SOX6: variants seen among roughly 807,000 people sequenced by gnomAD.
The protein encoded by SOX6 is transcription factor SOX-6.
SOX6 carries 11 observed loss-of-function variants against 97.8 expected under a neutral mutation model. That is an observed-to-expected ratio of 0.11 (90% CI 0.07 to 0.19). The LOEUF (loss-of-function observed/expected upper bound fraction) is 0.19. SOX6 is among the 10% of genes least tolerant of loss of function. SOX6 has a pLI of 1.00. For missense variants in SOX6, 810 were observed against 1,039.5 expected (o/e 0.78, Z 3.04); for synonymous variants, 360 against 371.4 (o/e 0.97, Z 0.35).
chr11:16,409,741 A>G (rs1457463855), intron 1 of SOX6, among the ~76,000 whole-genome samples: 1 of 152,184 alleles, frequency 6.6e-6, no homozygotes, highest in Non-Finnish European at 1.5e-5. Context: ...CAATGGATAG[A>G]AGACAAAACC....
At chr11:16,662,911 T>A (rs1190004335) in intron 3 of SOX6, among the ~76,000 whole-genome samples, 1 of 152,080 alleles carries the variant, frequency 6.6e-6, no homozygotes, top group Non-Finnish European at 1.5e-5. Flanking sequence ...AGGCTGCTTG[T>A]GAATTCCTGT....
chr11:16,266,024 A>G (rs1362776518), intron 3 of SOX6, among the ~76,000 whole-genome samples: 1 of 151,854 alleles, frequency 6.6e-6, no homozygotes, highest in East Asian at 1.9e-4. Flanking sequence ...AAAAATATTG[A>G]AAATATAATG....
In SOX6 at chr11:16,667,695, A is replaced by G. The variant is rs142992587; in HGVS notation, n.429+47135T>C. ...AAAAAATGCTAAGGGGAGTTCTTCA[A>G]TCTGAAAGAAAAGGATGTTAAATGA... On this transcript the variant is annotated intron_variant and non_coding_transcript_variant, in intron 3 of 5. Transcript: ENST00000524520. Among the ~76,000 whole-genome samples the G allele has an allele frequency of 7.5e-4, 114 of 152,324 alleles. 1 individual carries two copies. The East Asian group carries it at 0.021, about 28-fold the overall frequency.
chr11:16,487,275 CTTT>C (rs944930861), intron 4 of SOX6, among the ~76,000 whole-genome samples: 1 of 151,938 alleles, frequency 6.6e-6, no homozygotes, highest in South Asian at 2.1e-4. Context: ...TTGCAGGGTG[CTTT>C]TTTTAAAAAT....
intron 1 of SOX6, among the ~76,000 whole-genome samples, chr11:16,414,894 T>C (rs943568171): frequency 4.5e-4 from 69 of 152,178 alleles, no homozygotes; most frequent in African/African-American, 1.6e-3. Context: ...AAATATAAGC[T>C]ATTTTGTAAT....
intron 6 of SOX6, among the ~76,000 whole-genome samples, chr11:16,179,857 G>T (rs1365166561): frequency 6.6e-6 from 1 of 151,824 alleles, no homozygotes; most frequent in Non-Finnish European, 1.5e-5. Context: ...TAAGCCACTT[G>T]AATAACTCTA....
intron 3 of SOX6, chr11:16,264,822 C>G (rs1854021230): frequency 1.5e-5 from 2 of 129,192 alleles, no homozygotes; most frequent in Non-Finnish European, 3.2e-5. Context: ...CACTTCTAGC[C>G]AAGACGGAGG....
chr11:16,191,922 T>A (rs2134114279), intron 4 of SOX6, among the ~76,000 whole-genome samples: 1 of 152,092 alleles, frequency 6.6e-6, no homozygotes, highest in Admixed American at 6.5e-5. Flanking sequence ...ACATCTGTCT[T>A]GAGTTTCTCT....
intron 4 of SOX6, among the ~76,000 whole-genome samples, chr11:16,573,968 G>C (rs7932293): frequency 6.6e-6 from 1 of 152,128 alleles, no homozygotes; most frequent in Non-Finnish European, 1.5e-5. Context: ...ATAAGCTTTA[G>C]TGGGAGATGT....
chr11:16,655,880 G>C (rs1315737508), intron 3 of SOX6, among the ~76,000 whole-genome samples: 1 of 151,886 alleles, frequency 6.6e-6, no homozygotes, highest in East Asian at 1.9e-4. Context: ...GAGGCAGGAG[G>C]ATCACTTGAG....
At chr11:16,154,308 T>C (rs577442405) in intron 6 of SOX6, among the ~76,000 whole-genome samples, 1 of 152,214 alleles carries the variant, frequency 6.6e-6, no homozygotes, top group Admixed American at 6.6e-5. Flanking sequence ...GGAGGAAACA[T>C]TTGCTAACAA....
intron 4 of SOX6, among the ~76,000 whole-genome samples, chr11:16,536,614 C>T (rs1264304748): frequency 2.0e-5 from 3 of 152,226 alleles, no homozygotes; most frequent in Non-Finnish European, 4.4e-5. Context: ...CTGTGCTTTT[C>T]GACAATCTTA....
chr11:16,502,805 A>C lies in SOX6; in HGVS notation n.610-26417T>G, dbSNP rs574076434. Among the ~76,000 whole-genome samples, 17 of 152,314 alleles carry C rather than the reference A, an allele frequency of 1.1e-4. No homozygotes were observed. The South Asian group carries it at 2.3e-3, about 20-fold the overall frequency. On this transcript the variant is annotated intron_variant and non_coding_transcript_variant, in intron 4 of 5. Transcript: ENST00000524520. ...ACAGGATAGAAAACCTATTTAACCA[A>C]TTCATAGCTAAAAACTCCCCACATC...
chr11:16,646,939 T>C (rs1849023806), intron 3 of SOX6, among the ~76,000 whole-genome samples: 1 of 152,242 alleles, frequency 6.6e-6, no homozygotes, highest in Non-Finnish European at 1.5e-5. Flanking sequence ...AGTTCTACCT[T>C]TACTTCTTTA....
At chr11:16,329,421 G>T (rs1276339598) in intron 2 of SOX6, among the ~76,000 whole-genome samples, 1 of 152,100 alleles carries the variant, frequency 6.6e-6, no homozygotes. Flanking sequence ...AGATTCAAAG[G>T]TCTTTAAAAC....
chr11:16,289,925 G>T (rs1450293132), intron 3 of SOX6, among the ~76,000 whole-genome samples: 2 of 151,938 alleles, frequency 1.3e-5, no homozygotes, highest in Admixed American at 1.3e-4. Flanking sequence ...GGTTCTGCTG[G>T]GAGCTGAAGT....
Position 16,143,733 on chromosome 11 carries a change from C to A in SOX6, c.778-31810G>T, listed in dbSNP as rs972330807. Among the ~76,000 whole-genome samples, 5 of 151,988 alleles carry A rather than the reference C, an allele frequency of 3.3e-5. No individual in the cohort carries two copies. In the South Asian group the frequency reaches 1.0e-3, roughly 32 times the overall value. On this transcript the variant is annotated intron_variant, in intron 6 of 15. Coordinates refer to ENST00000683767, the MANE Select transcript of SOX6 (RefSeq NM_001367873.1). ...TCTGATAAAACAGACTTTAAACCAACAAAGATCAAAAGAGACAAAGAAGGC... is the reference window on the plus strand; with the variant it reads ...TCTGATAAAACAGACTTTAAACCAAAAAAGATCAAAAGAGACAAAGAAGGC...
chr11:16,444,128 G>A (rs1859566966), intron 1 of SOX6, among the ~76,000 whole-genome samples: 1 of 150,904 alleles, frequency 6.6e-6, no homozygotes, highest in African/African-American at 2.4e-5. Context: ...AGCAAAAACT[G>A]TTATAAAAAA....
chr11:16,639,200 G>C, intron 3 of SOX6, among the ~76,000 whole-genome samples: 1 of 152,082 alleles, frequency 6.6e-6, no homozygotes, highest in Non-Finnish European at 1.5e-5. Flanking sequence ...GTTTTTGTCA[G>C]GTTTGTCAAA....
Sources: allele counts gnomAD v4.1 joint callset (sites outside exome capture counted in the v4.1 genomes callset), GRCh38; gene constraint gnomAD v4.1.1; transcripts MANE v1.5; gene names NCBI Gene and HGNC (gene_info 2026-07-23, HGNC 2026-07-21).